FBL: variants seen among roughly 807,000 people sequenced by gnomAD.
FBL encodes the protein rRNA 2'-O-methyltransferase fibrillarin.
Under a neutral mutation model 42.2 loss-of-function variants are expected in FBL, and 10 were observed. That is an observed-to-expected ratio of 0.24 (90% confidence interval 0.15 to 0.40). The LOEUF is 0.40. FBL is among the 10% of genes least tolerant of loss of function. FBL has a pLI of 1.00. For synonymous variants in FBL, 165 were observed against 165.4 expected (o/e 1.00, Z 0.02); for missense variants, 351 against 439.2 (o/e 0.80, Z 1.79).
At chr19:39,838,967 T>C (rs1241918233) in intron 5 of FBL, 68 bp downstream of exon 5, 1 of 1,439,374 alleles carries the variant, frequency 6.9e-7, no homozygotes, top group Non-Finnish European at 9.6e-7. Flanking sequence ...AGTCAAACCC[T>C]GATATTCCAG....
Position 39,834,790 on chromosome 19 carries a change from G to C in FBL, c.819C>G (p.Ala273=). 1 of 1,614,214 alleles carries C rather than the reference G, an allele frequency of 6.2e-7. No homozygotes were observed. Among genetic ancestry groups the C allele is most frequent in the Non-Finnish European group, 8.5e-7 (1 of 1,180,028 alleles). ...CGGAGGCAAACACGGCCTCGGCTGA[G>C]GCTGTGGAGTCAATGCAGTTGGCCT... ...SIKANCIDST[A]SAEAVFASEV... The change falls in exon 8 of 9, where the codon GCC becomes GCG. Residue 273 remains alanine, a synonymous_variant. Transcript: ENST00000221801.
chr19:39,845,691 A>T (rs1050308210), intron 1 of FBL, among the ~76,000 whole-genome samples: 1 of 151,902 alleles, frequency 6.6e-6, no homozygotes, highest in African/African-American at 2.4e-5. Context: ...CCAAATCTCC[A>T]CTCCATCCCC....
At chr19:39,838,069 A>G (rs2145057872) in intron 5 of FBL, 2 of 471,308 alleles carry the variant, frequency 4.2e-6, no homozygotes, top group South Asian at 2.5e-5. Context: ...ACCCAATCCC[A>G]TCTGCCTGAG....
At chr19:39,836,488 G>C in intron 7 of FBL, 68 bp downstream of exon 7, 2 of 1,037,614 alleles carry the variant, frequency 1.9e-6, no homozygotes. Flanking sequence ...CTATTTGACA[G>C]ATACAGATAG....
intron 1 of FBL, among the ~76,000 whole-genome samples, chr19:39,842,513 G>A (rs1041990973): frequency 1.3e-5 from 2 of 151,920 alleles, no homozygotes; most frequent in African/African-American, 2.4e-5. Flanking sequence ...AAAAATGAAC[G>A]GTTTCATTTT....
intron 1 of FBL, among the ~76,000 whole-genome samples, chr19:39,845,271 C>T (rs561104852): frequency 8.4e-5 from 10 of 119,584 alleles, no homozygotes; most frequent in Non-Finnish European, 1.7e-4. Context: ...AGTGCTCAGG[C>T]ACCACCGAGA....
chr19:39,835,348 A>C (rs1025616603), intron 7 of FBL, among the ~76,000 whole-genome samples: 14 of 152,028 alleles, frequency 9.2e-5, no homozygotes, highest in Non-Finnish European at 1.6e-4. Context: ...GTGAAACCCT[A>C]TCTCTACTAA....
intron 6 of FBL, 64 bp from the exon 7 acceptor site, chr19:39,836,732 G>C: frequency 4.8e-6 from 6 of 1,255,532 alleles, no homozygotes; most frequent in Non-Finnish European, 5.7e-6. Flanking sequence ...TCCTCCCATG[G>C]GGCCTATGCC....
At chr19:39,837,010 T>G (rs940041799) in intron 6 of FBL, among the ~76,000 whole-genome samples, 36 of 152,104 alleles carry the variant, frequency 2.4e-4, no homozygotes, top group South Asian at 1.2e-3. Flanking sequence ...AAAAGACAAG[T>G]AAGAGTGAGT....
At position 39,846,343 on chromosome 19, in the gene FBL, C is replaced by A. The variant is rs1052170298; in HGVS notation, c.-43G>T. The A allele has an allele frequency of 3.7e-6, 6 of 1,611,368 alleles. No individual in the cohort carries two copies. The highest frequency in any genetic ancestry group is 4.2e-6 in the Non-Finnish European group (5 of 1,178,900). ...GCGGCTCCGGAGTCCGCGGCGTTCA[C>A]AACTCCACGAGTCCGGGGCTTTCGC... On this transcript the variant is annotated 5_prime_UTR_variant, in exon 1 of 9. Transcript: ENST00000221801.
intron 6 of FBL, among the ~76,000 whole-genome samples, chr19:39,837,300 A>T (rs1969068376): frequency 1.3e-5 from 2 of 152,302 alleles, no homozygotes; most frequent in Non-Finnish European, 1.5e-5. Flanking sequence ...TATATCTTTG[A>T]ATGTTTTTTT....
rs1466549363 is a variant in FBL at position 39,839,279 on chromosome 19, C to CCAGTTCCT, written c.379-75_379-74insAGGAACTG. 2,961 of 1,293,146 alleles carry CCAGTTCCT rather than the reference C, an allele frequency of 2.3e-3. 5 individuals are homozygous for CCAGTTCCT. The African/African-American group carries it at 0.03, about 13-fold the overall frequency. The allele number at this position is 1,293,146 out of a possible 1,614,324, so 80.1% of individuals were successfully genotyped here. On this transcript the variant is annotated intron_variant, in intron 4 of 8. Coordinates refer to ENST00000221801, the MANE Select transcript of FBL (RefSeq NM_001436.4). ...CCTCACTGCCTTTAACCCTAGGAGC[C>CCAGTTCCT]TTGAAAGGAACTGGGCTGTCCTATC... is the stretch of plus-strand genomic sequence containing the variant.
At chr19:39,837,984 C>A in intron 5 of FBL, 141 bp from the exon 6 acceptor site, 1 of 616,284 alleles carries the variant, frequency 1.6e-6, no homozygotes, top group Admixed American at 3.5e-5. Context: ...GCTATCATGT[C>A]CATTTTTCAC....
intron 7 of FBL, 63 bp downstream of exon 7, chr19:39,836,493 A>G: frequency 9.3e-7 from 1 of 1,079,914 alleles, no homozygotes; most frequent in Non-Finnish European, 1.4e-6. Context: ...TGACAGATAC[A>G]GATAGAGAAG....
intron 6 of FBL, among the ~76,000 whole-genome samples, chr19:39,837,463 G>C (rs902441242): frequency 1.3e-5 from 2 of 152,168 alleles, no homozygotes; most frequent in African/African-American, 2.4e-5. Flanking sequence ...GGAAGTACAG[G>C]AGACCTAGGA....
At chr19:39,842,297 A>T (rs1437241204) in intron 1 of FBL, among the ~76,000 whole-genome samples, 1 of 152,154 alleles carries the variant, frequency 6.6e-6, no homozygotes, top group East Asian at 1.9e-4. Flanking sequence ...CGTGTTAGCC[A>T]GGATGGTCTC....
At position 39,840,631 on chromosome 19, in the gene FBL, C is replaced by A; in HGVS notation, c.167G>T (p.Gly56Val). The A allele has an allele frequency of 6.2e-7, 1 of 1,613,202 alleles. No individual in the cohort carries two copies. Among genetic ancestry groups the A allele is most frequent in the Middle Eastern group, 1.7e-4 (1 of 6,058 alleles). Reference protein sequence around the residue: ...GGGGGGGGGGGGGRGGGGFHS... With the variant: ...GGGGGGGGGGVGGRGGGGFHS... ...GCCAATCTTACCACCTCTTCCTCCT[C>A]CTCCACCGCCGCCGCCGCCTCCACC... Residue 56 changes from glycine (G) to valine (V), a missense_variant, in exon 2 of 9, where the codon GGA (glycine) becomes GTA (valine). By Grantham distance (109) the Gly-to-Val change is moderately radical. Coordinates refer to ENST00000221801, the MANE Select transcript of FBL (RefSeq NM_001436.4). The surrounding 1 kb of genome is among the most constrained non-coding windows in gnomAD (Gnocchi z 4.5).
At chr19:39,839,320 A>T (rs184776319) in intron 4 of FBL, 115 bp from the exon 5 acceptor site, 2 of 789,796 alleles carry the variant, frequency 2.5e-6, no homozygotes, top group African/African-American at 3.5e-5. Context: ...ACAAGAACTC[A>T]ACATGAGTAA....
At chr19:39,835,931 A>T (rs917727002) in intron 7 of FBL, among the ~76,000 whole-genome samples, 4 of 136,892 alleles carry the variant, frequency 2.9e-5, no homozygotes, top group African/African-American at 5.8e-5. Context: ...GTCTCAAATT[A>T]AAAAAAAAAA....
Sources: gnomAD v4.1 joint callset for allele counts (sites outside exome capture counted in the v4.1 genomes callset) on GRCh38, gnomAD v4.1.1 for gene constraint, Gnocchi (gnomAD v3.1) non-coding constraint, MANE v1.5 for transcripts, NCBI Gene and HGNC (gene_info 2026-07-23, HGNC 2026-07-21) for gene names.